Variants in AGGF1 observed in about 807,000 individuals in gnomAD.
The protein encoded by AGGF1 is angiogenic factor with G-patch and FHA domains 1, also known as angiogenic factor with G patch and FHA domains 1.
AGGF1 carries 56 observed loss-of-function variants against 86.5 expected under a neutral mutation model. The ratio of observed to expected loss-of-function variants is 0.65; its 90% CI spans 0.52 to 0.81. The LOEUF (loss-of-function observed/expected upper bound fraction) is 0.81. AGGF1 is among the 30% of genes least tolerant of loss of function. AGGF1 has a pLI of 0.00. For missense variants in AGGF1, 816 were observed against 850.9 expected (o/e 0.96, Z 0.51); for synonymous variants, 313 against 297.1 (o/e 1.05, Z -0.55).
At chr5:77,054,273 C>T (rs1215698146) in intron 10 of AGGF1, 143 bp downstream of exon 10, 2 of 1,001,844 alleles carry the variant, frequency 2.0e-6, no homozygotes, top group East Asian at 2.5e-5. Flanking sequence ...AGCTATCAGT[C>T]TTGTATCCAG....
intron 5 of AGGF1, among the ~76,000 whole-genome samples, chr5:77,043,725 C>G (rs1454227773): frequency 5.2e-5 from 7 of 134,680 alleles, no homozygotes; most frequent in Non-Finnish European, 9.9e-5. Flanking sequence ...CGGGCGGAGA[C>G]GCTCCTCACT....
chr5:77,036,827 C>G (rs1746978013), intron 4 of AGGF1, 107 bp downstream of exon 4: 1 of 1,251,708 alleles, frequency 8.0e-7, no homozygotes, highest in Admixed American at 1.8e-5. Context: ...AACTTTCACC[C>G]CCCAGGTTCA....
At chr5:77,062,681 C>A (rs1747583084) in intron 13 of AGGF1, among the ~76,000 whole-genome samples, 1 of 152,010 alleles carries the variant, frequency 6.6e-6, no homozygotes, top group African/African-American at 2.4e-5. Flanking sequence ...AATGTTTAAC[C>A]TGCTTGTTCA....
intron 10 of AGGF1, among the ~76,000 whole-genome samples, chr5:77,055,259 T>C (rs955422442): frequency 5.3e-5 from 8 of 152,192 alleles, no homozygotes; most frequent in African/African-American, 1.9e-4. Flanking sequence ...AAAATCGAGA[T>C]GTTCATTGTT....
At chr5:77,045,838 A>G (rs1747237064) in intron 5 of AGGF1, among the ~76,000 whole-genome samples, 1 of 152,226 alleles carries the variant, frequency 6.6e-6, no homozygotes, top group Non-Finnish European at 1.5e-5. Context: ...TCCAAACTCA[A>G]ATGTGCTGTT....
At chr5:77,054,260 C>T (rs1747424553) in intron 10 of AGGF1, 130 bp downstream of exon 10, 1 of 1,117,310 alleles carries the variant, frequency 9.0e-7, no homozygotes, top group Non-Finnish European at 1.3e-6. Flanking sequence ...ATATTTTATA[C>T]AAAGCTATCA....
chr5:77,052,051 A>AT (rs1561289667), intron 8 of AGGF1, among the ~76,000 whole-genome samples: 1 of 152,150 alleles, frequency 6.6e-6, no homozygotes, highest in African/African-American at 2.4e-5. Context: ...TTCAAATCAC[A>AT]TTTTGTATTA....
intron 5 of AGGF1, among the ~76,000 whole-genome samples, chr5:77,043,783 GT>G (rs1747190432): frequency 9.7e-6 from 1 of 102,734 alleles, no homozygotes; most frequent in African/African-American, 3.4e-5. Flanking sequence ...ACTTCTCAGA[GT>G]GGGCAGCTGC....
chr5:77,051,337 G>A (rs902312666), intron 8 of AGGF1, among the ~76,000 whole-genome samples: 9 of 151,824 alleles, frequency 5.9e-5, no homozygotes, highest in Admixed American at 2.0e-4. Flanking sequence ...GGAGGCTGAG[G>A]CAGGAGAATG....
At chr5:77,042,182 A>T (rs1286467045) in intron 5 of AGGF1, among the ~76,000 whole-genome samples, 1 of 152,018 alleles carries the variant, frequency 6.6e-6, no homozygotes, top group Non-Finnish European at 1.5e-5. Context: ...CTTAGTGCAG[A>T]ACAAAATGAA....
chr5:77,031,208 A>G (rs1746844224), intron 1 of AGGF1, among the ~76,000 whole-genome samples: 2 of 152,232 alleles, frequency 1.3e-5, no homozygotes, highest in Non-Finnish European at 2.9e-5. Context: ...GAACTTAAGT[A>G]CTGTGGCTAC....
At chr5:77,031,414 A>G (rs1561282357) in intron 1 of AGGF1, among the ~76,000 whole-genome samples, 1 of 152,228 alleles carries the variant, frequency 6.6e-6, no homozygotes, top group East Asian at 1.9e-4. Context: ...AAGGTGAAGT[A>G]AAACAAACAA....
intron 5 of AGGF1, among the ~76,000 whole-genome samples, chr5:77,042,933 G>C (rs1204597481): frequency 0.41 from 5,684 of 13,762 alleles, 1,413 homozygotes; most frequent in Admixed American, 0.52. Context: ...TCCCTCCCGG[G>C]CGGGGCGGCT....
intron 2 of AGGF1, 150 bp downstream of exon 2, chr5:77,034,670 G>A (rs745844439): frequency 7.6e-6 from 5 of 658,066 alleles, no homozygotes; most frequent in East Asian, 2.8e-5. Context: ...TGGTATTTTC[G>A]GATAATCAAT....
intron 5 of AGGF1, among the ~76,000 whole-genome samples, chr5:77,042,067 A>G (rs1338274084): frequency 6.0e-5 from 9 of 150,934 alleles, no homozygotes; most frequent in East Asian, 2.0e-4. Context: ...ATCTTGCACC[A>G]CCCTTAATCC....
intron 8 of AGGF1, 66 bp from the exon 9 acceptor site, chr5:77,052,640 A>C: frequency 1.8e-6 from 2 of 1,131,840 alleles, no homozygotes; most frequent in Non-Finnish European, 1.3e-6. Flanking sequence ...TCATCATATC[A>C]TACAGAAATT....
chr5:77,032,286 G>C (rs1182740328), intron 1 of AGGF1, among the ~76,000 whole-genome samples: 2 of 150,086 alleles, frequency 1.3e-5, no homozygotes, highest in African/African-American at 4.9e-5. Flanking sequence ...AGGGAGAGGT[G>C]GCTGGGCGCG....
At position 77,035,517 on chromosome 5, in the gene AGGF1, TTTCAC is replaced by T; in HGVS notation, c.314-19_314-15del. ...TATACATTATTCTAATATGATACGA[TTTCAC>T]TTCATTTTTTTGCTACAGATTATTT... On this transcript the variant is annotated intron_variant, in intron 2 of 13. Coordinates refer to ENST00000312916, the MANE Select transcript of AGGF1 (RefSeq NM_018046.5). The T allele has an allele frequency of 6.4e-7, 1 of 1,564,792 alleles. No individual in the cohort carries two copies. The highest frequency in any genetic ancestry group is 8.8e-7 in the Non-Finnish European group (1 of 1,139,234).
At chr5:77,042,099 G>A (rs1242173725) in intron 5 of AGGF1, among the ~76,000 whole-genome samples, 7 of 151,600 alleles carry the variant, frequency 4.6e-5, no homozygotes, top group Non-Finnish European at 1.0e-4. Context: ...AGTGGACACA[G>A]CACATGTTTC....
Sources: gnomAD v4.1 joint callset for allele counts (sites outside exome capture counted in the v4.1 genomes callset) on GRCh38, gnomAD v4.1.1 for gene constraint, MANE v1.5 for transcripts, NCBI Gene and HGNC (gene_info 2026-07-23, HGNC 2026-07-21) for gene names.